The following SOX30 variants were observed in gnomAD, a reference collection of about 807,000 sequenced individuals.
SOX30 encodes the protein transcription factor SOX-30.
SOX30 carries 17 observed loss-of-function variants against 58.6 expected under a neutral mutation model. The ratio of observed to expected loss-of-function variants is 0.29; its 90% CI spans 0.20 to 0.44. The LOEUF (loss-of-function observed/expected upper bound fraction) is 0.44, where lower values mean the gene tolerates loss of function less well. Ranked by LOEUF, SOX30 falls within the 20% of genes least tolerant of loss-of-function variation. The probability of loss-of-function intolerance (pLI) is 1.00; values close to 1 mark genes in which losing one functional copy is unlikely to be tolerated. For missense variants in SOX30, 951 were observed against 965.8 expected (o/e 0.98, Z 0.20); for synonymous variants, 421 against 400.2 (o/e 1.05, Z -0.62).
intron 2 of SOX30, among the ~76,000 whole-genome samples, chr5:157,664,046 G>A (rs1297084474): frequency 2.0e-5 from 3 of 147,500 alleles, no homozygotes; most frequent in Non-Finnish European, 3.0e-5. Context: ...TAGATTCAAT[G>A]CCATCCCCAT....
chr5:157,638,907 T>C (rs1013180335), intron 3 of SOX30, among the ~76,000 whole-genome samples, 185 bp from the exon 4 acceptor site: 2 of 152,206 alleles, frequency 1.3e-5, no homozygotes, highest in Non-Finnish European at 2.9e-5. Flanking sequence ...TTATCTTGTT[T>C]TCTTGTTCAT....
rs775569741 is a variant in SOX30, at chr5:157,651,352, T to C, written c.727A>G (p.Ile243Val). 2.5e-6 allele frequency: 4 copies of C among 1,613,848 alleles called. No homozygotes were observed. The highest frequency in any genetic ancestry group is 3.3e-5 in the Admixed American group (2 of 60,036). The change falls in exon 1 of 5, where the codon ATC (isoleucine) becomes GTC (valine). Residue 243 changes from isoleucine to valine, a missense_variant. By Grantham distance (29) the Ile-to-Val change is conservative. Coordinates refer to ENST00000265007, the MANE Select transcript of SOX30 (RefSeq NM_178424.2). ...AAGGCACCGGACGTTGGGGCCAAGA[T>C]GACCTCCGCGCTGCCATGAACCAGG... Reference protein sequence around the residue: ...NGLVHGSAEVILAPTSGAFGP... With the variant: ...NGLVHGSAEVVLAPTSGAFGP...
At chr5:157,633,131 C>T (rs761575668) in intron 4 of SOX30, among the ~76,000 whole-genome samples, 3 of 152,184 alleles carry the variant, frequency 2.0e-5, no homozygotes, top group Non-Finnish European at 4.4e-5. Context: ...AGTTTCAGTA[C>T]CTATCCCCAC....
intron 4 of SOX30, among the ~76,000 whole-genome samples, chr5:157,627,333 A>G (rs1228972654): frequency 1.3e-5 from 2 of 152,206 alleles, no homozygotes; most frequent in Non-Finnish European, 2.9e-5. Flanking sequence ...ACTGCACTCC[A>G]GCCTGGTGAC....
intron 3 of SOX30, among the ~76,000 whole-genome samples, chr5:157,642,115 A>C (rs1409424628): frequency 1.3e-5 from 2 of 152,156 alleles, no homozygotes; most frequent in Non-Finnish European, 2.9e-5. Context: ...CAGGAGTTCA[A>C]GACCAGCCTG....
chr5:157,632,206 GT>G (rs1475521902), intron 4 of SOX30, among the ~76,000 whole-genome samples: 1 of 152,066 alleles, frequency 6.6e-6, no homozygotes, highest in East Asian at 1.9e-4. Flanking sequence ...ACAGCACTGT[GT>G]TAGTGCATGA....
At chr5:157,639,387 A>C (rs1434827408) in intron 3 of SOX30, among the ~76,000 whole-genome samples, 3 of 152,174 alleles carry the variant, frequency 2.0e-5, no homozygotes, top group African/African-American at 7.2e-5. Context: ...CTAAATTATA[A>C]ATGACATTTA....
chr5:157,657,260 G>T (rs1759490360), upstream of SOX30, among the ~76,000 whole-genome samples: 1 of 152,070 alleles, frequency 6.6e-6, no homozygotes, highest in Non-Finnish European at 1.5e-5. Context: ...ATATGACTTG[G>T]TGTATATTGT....
chr5:157,658,570 G>A (rs940540011), intron 2 of SOX30, among the ~76,000 whole-genome samples: 7 of 152,064 alleles, frequency 4.6e-5, no homozygotes, highest in Admixed American at 6.6e-5. Context: ...AATTGCCCTC[G>A]CCATACTGAT....
chr5:157,657,947 G>GC (rs1254886058), intron 2 of SOX30, among the ~76,000 whole-genome samples: 5 of 152,178 alleles, frequency 3.3e-5, no homozygotes. Context: ...GCCAATAAAA[G>GC]CCCCTTGGGG....
chr5:157,627,483 C>T (rs1429308952), intron 4 of SOX30, among the ~76,000 whole-genome samples: 1 of 152,080 alleles, frequency 6.6e-6, no homozygotes, highest in Admixed American at 6.6e-5. Flanking sequence ...AAATGTATAA[C>T]TAGATTGAAA....
chr5:157,645,849 C>G (rs1759177894), intron 3 of SOX30, among the ~76,000 whole-genome samples: 1 of 151,922 alleles, frequency 6.6e-6, no homozygotes, highest in Admixed American at 6.6e-5. Flanking sequence ...GGAGAAACCC[C>G]ATCTCTACTA....
chr5:157,641,494 T>G (rs899926615), intron 3 of SOX30, among the ~76,000 whole-genome samples: 1 of 152,112 alleles, frequency 6.6e-6, no homozygotes, highest in African/African-American at 2.4e-5. Context: ...GCACCTGTAA[T>G]CCCAGCTACT....
intron 4 of SOX30, 59 bp downstream of exon 4, chr5:157,638,171 C>T: frequency 1.4e-6 from 2 of 1,450,340 alleles, no homozygotes; most frequent in Non-Finnish European, 1.9e-6. Flanking sequence ...AAAATGTTGT[C>T]ACAGGTAAAA....
chr5:157,669,658 C>T (rs1374029590), intron 1 of SOX30, among the ~76,000 whole-genome samples: 1 of 151,866 alleles, frequency 6.6e-6, no homozygotes, highest in Non-Finnish European at 1.5e-5. Flanking sequence ...CTGGCATTAC[C>T]GGTGGGCGCT....
intron 2 of SOX30, among the ~76,000 whole-genome samples, chr5:157,665,225 T>G (rs563630938): frequency 7.8e-4 from 119 of 152,220 alleles, no homozygotes; most frequent in African/African-American, 2.6e-3. Flanking sequence ...TAGACTGGAT[T>G]AAGAAAATGT....
intron 2 of SOX30, among the ~76,000 whole-genome samples, chr5:157,659,811 T>C (rs1390271589): frequency 6.6e-6 from 1 of 152,204 alleles, no homozygotes; most frequent in Non-Finnish European, 1.5e-5. Context: ...GGCTTCCAGA[T>C]CACAGGTGGA....
At chr5:157,663,068 T>C (rs1348940515) in intron 2 of SOX30, among the ~76,000 whole-genome samples, 2 of 152,036 alleles carry the variant, frequency 1.3e-5, no homozygotes, top group Non-Finnish European at 2.9e-5. Context: ...TTTCAATCAA[T>C]GGAAAAAGAG....
At chr5:157,661,647 A>G (rs1163393659) in intron 2 of SOX30, among the ~76,000 whole-genome samples, 1 of 152,222 alleles carries the variant, frequency 6.6e-6, no homozygotes, top group Non-Finnish European at 1.5e-5. Context: ...CCACTGATTT[A>G]TTCTATTAAT....
Sources: allele counts gnomAD v4.1 joint callset (sites outside exome capture counted in the v4.1 genomes callset), GRCh38; gene constraint gnomAD v4.1.1; transcripts MANE v1.5; gene names NCBI Gene and HGNC (gene_info 2026-07-23, HGNC 2026-07-21).